Variants in ATRNL1 observed in about 807,000 individuals in gnomAD.
ATRNL1 encodes the protein attractin-like protein 1.
In ATRNL1, 95 loss-of-function variants were observed where a neutral mutation model predicts 182.7. The ratio of observed to expected loss-of-function variants is 0.52; its 90% CI spans 0.44 to 0.62. ATRNL1 has a LOEUF of 0.62. ATRNL1 is among the 20% of genes least tolerant of loss of function. The pLI, the probability that ATRNL1 is intolerant of heterozygous loss-of-function variation, is 0.00. For synonymous variants in ATRNL1, 576 were observed against 568.3 expected, an observed-to-expected ratio of 1.01 and a Z score of -0.19; for missense variants, 1,471 against 1,679.5, an observed-to-expected ratio of 0.88 and a Z score of 2.17.
At chr10:115,659,565 T>G (rs1555037127) in intron 26 of ATRNL1, among the ~76,000 whole-genome samples, 1 of 151,828 alleles carries the variant, frequency 6.6e-6, no homozygotes, top group East Asian at 1.9e-4. Flanking sequence ...TAATGTTATT[T>G]ACATTACATT....
At chr10:115,748,640 A>G (rs1555069800) in intron 27 of ATRNL1, among the ~76,000 whole-genome samples, 4 of 151,758 alleles carry the variant, frequency 2.6e-5, no homozygotes, top group African/African-American at 7.3e-5. Context: ...CTCATAAAAC[A>G]TTTTCACCCA....
chr10:115,903,380 G>C (rs576313584), intron 28 of ATRNL1, among the ~76,000 whole-genome samples: 2 of 152,110 alleles, frequency 1.3e-5, no homozygotes, highest in African/African-American at 2.4e-5. Context: ...ATCAGGCTCA[G>C]GAGCATTATA....
chr10:115,358,057 C>T (rs939875644), intron 19 of ATRNL1, among the ~76,000 whole-genome samples: 12 of 151,486 alleles, frequency 7.9e-5, no homozygotes, highest in African/African-American at 2.9e-4. Flanking sequence ...GAGTTCATTG[C>T]CCTTATTAGT....
intron 26 of ATRNL1, among the ~76,000 whole-genome samples, chr10:115,574,852 T>C (rs1488177576): frequency 1.3e-5 from 2 of 152,308 alleles, no homozygotes; most frequent in Non-Finnish European, 2.9e-5. Context: ...CTTTGTAAAA[T>C]ATTAGAAACA....
chr10:115,200,499 T>C (rs1257406657), intron 8 of ATRNL1, among the ~76,000 whole-genome samples: 1 of 150,478 alleles, frequency 6.6e-6, no homozygotes, highest in Non-Finnish European at 1.5e-5. Flanking sequence ...GTCCTTGTGA[T>C]AGTTTACTGA....
chr10:115,688,924 GT>G (rs1412651305), intron 26 of ATRNL1, among the ~76,000 whole-genome samples: 1 of 151,994 alleles, frequency 6.6e-6, no homozygotes, highest in Non-Finnish European at 1.5e-5. Context: ...TAGTTTTATA[GT>G]TTTGGGTCTT....
intron 27 of ATRNL1, among the ~76,000 whole-genome samples, chr10:115,833,451 G>A (rs1386520696): frequency 1.3e-5 from 2 of 152,010 alleles, no homozygotes; most frequent in African/African-American, 2.4e-5. Flanking sequence ...TAAGCTCCTG[G>A]GCTATTCTAT....
chr10:115,367,749 C>T (rs1467765036), intron 19 of ATRNL1, among the ~76,000 whole-genome samples: 1 of 108,142 alleles, frequency 9.2e-6, no homozygotes, highest in Non-Finnish European at 2.3e-5. Context: ...ACAGGACCCT[C>T]AGCTGCAGGT....
intron 24 of ATRNL1, among the ~76,000 whole-genome samples, chr10:115,487,822 T>C (rs1363027553): frequency 1.3e-5 from 2 of 152,114 alleles, no homozygotes; most frequent in East Asian, 1.9e-4. Flanking sequence ...TTCAAAGGGA[T>C]TGCTTCCAGT....
At chr10:115,839,465 T>C (rs1165022992) in intron 27 of ATRNL1, among the ~76,000 whole-genome samples, 2 of 152,172 alleles carry the variant, frequency 1.3e-5, no homozygotes, top group African/African-American at 2.4e-5. Flanking sequence ...CTCATCCCTC[T>C]TTACAGAATA....
At chr10:115,759,313 A>T (rs1160586927) in intron 27 of ATRNL1, among the ~76,000 whole-genome samples, 1 of 152,138 alleles carries the variant, frequency 6.6e-6, no homozygotes, top group Non-Finnish European at 1.5e-5. Context: ...CTATGAGAAA[A>T]CATAAGCACT....
intron 8 of ATRNL1, among the ~76,000 whole-genome samples, chr10:115,171,758 A>T (rs570230732): frequency 1.3e-5 from 2 of 152,154 alleles, no homozygotes; most frequent in Non-Finnish European, 1.5e-5. Flanking sequence ...GGCTTCTATA[A>T]GAGATTATTA....
intron 7 of ATRNL1, among the ~76,000 whole-genome samples, chr10:115,169,320 C>T (rs1489086224): frequency 2.6e-5 from 4 of 151,434 alleles, no homozygotes; most frequent in African/African-American, 9.7e-5. Flanking sequence ...GATTGTCCTG[C>T]CTCAGCCTCC....
chr10:115,432,809 G>C (rs1429194866), intron 21 of ATRNL1, among the ~76,000 whole-genome samples: 6 of 151,966 alleles, frequency 3.9e-5, no homozygotes, highest in African/African-American at 1.2e-4. Context: ...GTATCACAAA[G>C]TAGTATAGTT....
intron 24 of ATRNL1, among the ~76,000 whole-genome samples, chr10:115,511,212 A>T (rs1418139935): frequency 1.3e-5 from 2 of 152,042 alleles, no homozygotes; most frequent in Non-Finnish European, 2.9e-5. Context: ...TATTGTATTA[A>T]TTATCTGTTG....
At chr10:115,835,393 T>A (rs2960674) in intron 27 of ATRNL1, among the ~76,000 whole-genome samples, 24,667 of 152,132 alleles carry the variant, frequency 0.16, 2,210 homozygotes, top group Non-Finnish European at 0.2. Context: ...GACCTAGCCA[T>A]GGAGTTAGCA....
chr10:115,831,278 C>G (rs1950554097), intron 27 of ATRNL1, among the ~76,000 whole-genome samples: 1 of 152,136 alleles, frequency 6.6e-6, no homozygotes, highest in South Asian at 2.1e-4. Context: ...CTAGCACCTC[C>G]CGGCCTCCTT....
intron 24 of ATRNL1, among the ~76,000 whole-genome samples, chr10:115,475,324 A>G (rs1848482640): frequency 6.6e-6 from 1 of 151,560 alleles, no homozygotes; most frequent in African/African-American, 2.4e-5. Context: ...ATTTATATGC[A>G]TTATGTAATG....
intron 24 of ATRNL1, among the ~76,000 whole-genome samples, chr10:115,514,820 A>G (rs1382737223): frequency 1.3e-5 from 2 of 151,972 alleles, no homozygotes; most frequent in Non-Finnish European, 2.9e-5. Context: ...TTAATAATCA[A>G]TGCTTTTTTC....
Sources: allele counts gnomAD v4.1 joint callset (sites outside exome capture counted in the v4.1 genomes callset), GRCh38; gene constraint gnomAD v4.1.1; transcripts MANE v1.5; gene names NCBI Gene and HGNC (gene_info 2026-07-23, HGNC 2026-07-21).